The following INAVA variants were observed in gnomAD, a reference collection of about 807,000 sequenced individuals.
INAVA encodes innate immunity activator, also known as innate immunity activator protein.
A neutral mutation model predicts 55.3 loss-of-function variants in INAVA; 32 were observed. The observed-to-expected ratio is 0.58, with a 90% CI of 0.44 to 0.78. The LOEUF is 0.78. Among genes scored for constraint, INAVA ranks in the 30% least tolerant of loss-of-function variants. The pLI is 0.00. For synonymous variants in INAVA, 294 were observed against 329.4 expected (o/e 0.89, Z 1.16); for missense variants, 756 against 786.4 (o/e 0.96, Z 0.46).
rs545864499 is a variant in INAVA, at chr1:200,909,395, G to T, written c.957G>T (p.Leu319=). ...IQGRRGQSQS[L]RVDSFRAGPE... ...GGAGGAGGGGCCAGTCGCAGTCTCT[G>T]AGGTAAGAGACAGCTTCCCCAGAGA... The change falls in exon 8 of 10, where the codon CTG becomes CTT. Residue 319 remains leucine, a splice_region_variant and synonymous_variant. Coordinates refer to ENST00000413687, the MANE Select transcript of INAVA (RefSeq NM_001142569.3). 11 of 1,587,340 alleles carry T rather than the reference G, an allele frequency of 6.9e-6. No individual in the cohort carries two copies. The highest frequency in any genetic ancestry group is 9.4e-6 in the Non-Finnish European group (11 of 1,164,030).
chr1:200,908,495 A>C (rs1653582174), intron 6 of INAVA: 1 of 432,306 alleles, frequency 2.3e-6, no homozygotes, highest in Admixed American at 4.2e-5. Flanking sequence ...CAAGAGAGTC[A>C]ATCTGGGAGG....
At chr1:200,909,418 A>G (rs902103173) in intron 8 of INAVA, 21 bp downstream of exon 8, 44 of 1,547,600 alleles carry the variant, frequency 2.8e-5, no homozygotes, top group Non-Finnish European at 3.7e-5. Context: ...GCTTCCCCAG[A>G]GAGATGGGGG....
rs924031909 is a variant in INAVA at position 200,900,942 on chromosome 1, C to A, written c.303C>A (p.Pro101=). The change falls in exon 5 of 10, where the codon CCC becomes CCA. Residue 101 remains proline (P), a synonymous_variant. Coordinates refer to ENST00000413687, the MANE Select transcript of INAVA (RefSeq NM_001142569.3). The part of the protein sequence containing the change: ...LDDWALHRED[P]LSSLERQLAL... ...ACTCCTGCCCCCTCTCTCAGGACCC[C>A]CTAAGCAGCCTGGAGCGCCAGCTGG... 1.9e-6 allele frequency: 3 copies of A among 1,548,696 alleles called. No homozygotes were observed. The South Asian group carries it at 3.6e-5, about 18-fold the overall frequency.
upstream of INAVA, among the ~76,000 whole-genome samples, chr1:200,894,657 C>T (rs1011095953): frequency 1.3e-5 from 2 of 152,158 alleles, no homozygotes; most frequent in African/African-American, 4.8e-5. Flanking sequence ...AGGTACCTCA[C>T]AGCTCAGAAT....
intron 1 of INAVA, 49 bp downstream of exon 1, chr1:200,895,136 G>T: frequency 1.0e-6 from 1 of 986,238 alleles, no homozygotes; most frequent in Non-Finnish European, 1.2e-6. Context: ...GAGCAGGCTG[G>T]CCTGGGAGTG....
chr1:200,913,372 C>CA (rs1653825947), intron 9 of INAVA, among the ~76,000 whole-genome samples, 165 bp from the exon 10 acceptor site: 1 of 152,202 alleles, frequency 6.6e-6, no homozygotes, highest in Non-Finnish European at 1.5e-5. Context: ...CCCTGAAGAA[C>CA]AGAGAGCATC....
intron 2 of INAVA, 83 bp downstream of exon 2, chr1:200,898,538 C>T: frequency 1.3e-6 from 2 of 1,498,876 alleles, no homozygotes; most frequent in Non-Finnish European, 1.8e-6. Context: ...GTCCTGAGCC[C>T]TCAGGCACTA....
intron 1 of INAVA, 144 bp from the exon 2 acceptor site, chr1:200,898,163 C>T: frequency 1.2e-6 from 1 of 820,190 alleles, no homozygotes; most frequent in East Asian, 2.6e-5. Flanking sequence ...TCAGCACCCC[C>T]AGTGCCAGAA....
chr1:200,908,655 C>T (rs1653588796), intron 6 of INAVA, 75 bp from the exon 7 acceptor site: 2 of 1,287,640 alleles, frequency 1.6e-6, no homozygotes, highest in Non-Finnish European at 2.1e-6. Context: ...GAGGCATGGG[C>T]TGTGGTTTGT....
Position 200,911,434 on chromosome 1 carries a change from CCT to C in INAVA, c.960-14_960-13del, listed in dbSNP as rs1324782103. 10 of 1,596,306 alleles carry C rather than the reference CCT, an allele frequency of 6.3e-6. No homozygotes were observed. In the Admixed American group the frequency reaches 1.5e-4, roughly 24 times the overall value. On this transcript the variant is annotated splice_polypyrimidine_tract_variant and intron_variant, in intron 8 of 9. Transcript: ENST00000413687. ...GTTTCTGCCCCCCACACTCAGAATG[CCT>C]CTCTTTCCCTCTTCAGGGTGGATTC...
rs1399347446 is a variant in INAVA at position 200,914,288 on chromosome 1, C to T, written c.*659C>T. ...CCCAGTCACTATACCCTGTCTATGC[C>T]CTGTGGGCTCCCAGACCCCTGAGCT... On this transcript the variant is annotated 3_prime_UTR_variant, in exon 10 of 10. Transcript: ENST00000413687. 1.3e-5 allele frequency: 2 copies of T among 152,324 alleles called. No homozygotes were observed. The highest frequency in any genetic ancestry group is 2.9e-5 in the Non-Finnish European group (2 of 68,086). 9.4% of individuals were successfully genotyped at this position (152,324 alleles called of 1,614,324 possible). A position where few individuals can be genotyped will look rare whatever the true frequency, so the allele number is the denominator to read the frequency against.
intron 8 of INAVA, among the ~76,000 whole-genome samples, chr1:200,909,925 C>A (rs1165095331): frequency 6.6e-6 from 1 of 152,110 alleles, no homozygotes; most frequent in Non-Finnish European, 1.5e-5. Flanking sequence ...CTTAAGGACA[C>A]CTTACTTAAT....
upstream of INAVA, among the ~76,000 whole-genome samples, chr1:200,894,590 G>A (rs1248334503): frequency 2.6e-5 from 4 of 152,166 alleles, no homozygotes; most frequent in African/African-American, 4.8e-5. Flanking sequence ...TTTCTGGAAA[G>A]AGAAACTGAG....
chr1:200,899,813 C>T (rs1379587757), intron 3 of INAVA, among the ~76,000 whole-genome samples: 2 of 152,180 alleles, frequency 1.3e-5, no homozygotes, highest in Admixed American at 6.5e-5. Context: ...GCACAGAGAA[C>T]AAAGTTCATC....
upstream of INAVA, among the ~76,000 whole-genome samples, chr1:200,892,361 T>G (rs1436846224): frequency 6.6e-6 from 1 of 152,088 alleles, no homozygotes; most frequent in East Asian, 1.9e-4. Context: ...GGCCCTTGCT[T>G]TAAAGAACTT....
Position 200,911,919 on chromosome 1 carries a change from TC to T in INAVA, c.1429del (p.Arg477AlafsTer10). 6.3e-7 allele frequency: 1 copy of T among 1,575,838 alleles called. No homozygotes were observed. The stretch of plus-strand genomic sequence containing the variant: ...CCTGCGCTACCAGCGTCTGGTGCCC[TC>T]CCGCAGCCGCATCGTGCGGACGCCC... ...TPLRYQRLVP[S>X]RSRIVRTPSL... On this transcript the variant is annotated frameshift_variant, in exon 9 of 10. Transcript: ENST00000413687. LOFTEE classifies it high-confidence loss of function.
At chr1:200,891,750 G>A, upstream of INAVA, 1 of 1,348,406 alleles carries the variant, frequency 7.4e-7, no homozygotes, top group Non-Finnish European at 9.8e-7. Flanking sequence ...CTGGGGCGGG[G>A]GATCGGGCCC....
chr1:200,897,670 C>T (rs901488865), intron 1 of INAVA, among the ~76,000 whole-genome samples: 4 of 151,968 alleles, frequency 2.6e-5, no homozygotes, highest in African/African-American at 9.7e-5. Flanking sequence ...TCTCTGTTGT[C>T]CAGGCTGGAG....
At chr1:200,905,331 G>C (rs1331252842) in intron 5 of INAVA, among the ~76,000 whole-genome samples, 2 of 152,094 alleles carry the variant, frequency 1.3e-5, no homozygotes, top group African/African-American at 4.8e-5. Flanking sequence ...GGATCTCTTG[G>C]GCCCAGGAGT....
Sources: gnomAD v4.1 joint callset for allele counts (sites outside exome capture counted in the v4.1 genomes callset) on GRCh38, gnomAD v4.1.1 for gene constraint, MANE v1.5 for transcripts, NCBI Gene and HGNC (gene_info 2026-07-23, HGNC 2026-07-21) for gene names.